The following ZFHX3 variants were observed in gnomAD, a reference collection of about 807,000 sequenced individuals.
ZFHX3 encodes the protein zinc finger homeobox protein 3.
A neutral mutation model predicts 279.1 loss-of-function variants in ZFHX3; 42 were observed. That is an observed-to-expected ratio of 0.15 (90% CI 0.12 to 0.19). ZFHX3 has a LOEUF of 0.19. Among genes scored for constraint, ZFHX3 ranks in the 10% least tolerant of loss-of-function variants. The pLI is 1.00. For synonymous variants in ZFHX3, 2,293 were observed against 1,957.8 expected (o/e 1.17, Z -4.52); for missense variants, 4,981 against 4,754.0 (o/e 1.05, Z -1.40).
At chr16:73,263,862 C>T (rs2013892305) in intron 4 of ZFHX3, among the ~76,000 whole-genome samples, 1 of 152,130 alleles carries the variant, frequency 6.6e-6, no homozygotes, top group African/African-American at 2.4e-5. Context: ...GAAAGAACAT[C>T]CTATAAAAAT....
chr16:73,759,155 T>G (rs2053839108), intron 1 of ZFHX3, among the ~76,000 whole-genome samples: 1 of 152,236 alleles, frequency 6.6e-6, no homozygotes, highest in Non-Finnish European at 1.5e-5. Flanking sequence ...AGTCTATTTC[T>G]CTCTTACATG....
At chr16:73,485,961 C>G (rs2143637151) in intron 2 of ZFHX3, among the ~76,000 whole-genome samples, 1 of 152,328 alleles carries the variant, frequency 6.6e-6, no homozygotes, top group South Asian at 2.1e-4. Context: ...AACAGGAGAG[C>G]AGGGACCACC....
chr16:73,806,575 T>C (rs1221522618), intron 1 of ZFHX3, among the ~76,000 whole-genome samples: 1 of 152,074 alleles, frequency 6.6e-6, no homozygotes, highest in African/African-American at 2.4e-5. Context: ...TGGGGATTAG[T>C]TGTCAGCCAA....
chr16:72,957,435 G>A lies in ZFHX3; in HGVS notation c.2711C>T (p.Pro904Leu), dbSNP rs371399183. The A allele has an allele frequency of 6.2e-7, 1 of 1,608,950 alleles. No homozygotes were observed. The highest frequency in any genetic ancestry group is 8.5e-7 in the Non-Finnish European group (1 of 1,177,140). ...DPAGPMAAMT[P>L]ALVGGEIPLD... is the part of the protein sequence containing the mutation. Reference sequence around the variant, plus strand: ...CACGTAGTCATCCTCACCTAGAGCAGGCGTCATGGCGGCCATGGGCCCGGC... The same window carrying A: ...CACGTAGTCATCCTCACCTAGAGCAAGCGTCATGGCGGCCATGGGCCCGGC... Residue 904 changes from proline (P) to leucine (L), a missense_variant, in exon 2 of 10, where the codon CCT (proline) becomes CTT (leucine). Pro to Leu is a moderately conservative substitution (Grantham distance 98). Around this residue, in one of 7 missense-constraint regions of ZFHX3, gnomAD observed 1,751 missense variants for 1,770.0 expected, o/e 0.99. Transcript: ENST00000268489.
chr16:73,068,974 C>T (rs1965790578), intron 8 of ZFHX3, among the ~76,000 whole-genome samples: 1 of 152,212 alleles, frequency 6.6e-6, no homozygotes. Flanking sequence ...ACTGACCACC[C>T]CTTTGGGCGC....
At chr16:73,028,868 GCAA>G (rs1303138714) in intron 1 of ZFHX3, among the ~76,000 whole-genome samples, 3 of 152,176 alleles carry the variant, frequency 2.0e-5, no homozygotes, top group Non-Finnish European at 2.9e-5. Flanking sequence ...AACCTTTTCG[GCAA>G]CAACAACAGA....
In ZFHX3 at chr16:72,797,210, C is replaced by A; in HGVS notation, c.5472G>T (p.Leu1824=). The change falls in exon 9 of 10, where the codon CTG becomes CTT. Residue 1824 remains leucine (L), a synonymous_variant. Transcript: ENST00000268489. ...SLPVTSGALT[L]TGTGPGLLED... is the part of the protein sequence containing the mutation. ...CCAGCAGGCCTGGGCCTGTCCCAGT[C>A]AGTGTCAGTGCCCCACTGGTCACTG... The A allele has an allele frequency of 6.2e-7, 1 of 1,613,984 alleles. No individual in the cohort carries two copies. The highest frequency in any genetic ancestry group is 1.1e-5 in the South Asian group (1 of 91,044).
intron 1 of ZFHX3, among the ~76,000 whole-genome samples, chr16:73,857,662 T>C (rs991436635): frequency 3.3e-5 from 5 of 152,200 alleles, no homozygotes; most frequent in African/African-American, 7.2e-5. Context: ...GTGTAAGTCA[T>C]AACATGCTGC....
At chr16:73,287,779 A>G (rs1211181616) in intron 4 of ZFHX3, among the ~76,000 whole-genome samples, 531 of 37,506 alleles carry the variant, frequency 0.014, no homozygotes, top group Middle Eastern at 0.019. Flanking sequence ...TGTGTGGGTA[A>G]GTGTGTGGGT....
In ZFHX3 at chr16:72,784,744, G is replaced by C. The variant is rs914470548; in HGVS notation, c.*2420C>G. 1.3e-5 allele frequency: 2 copies of C among 152,270 alleles called. No individual in the cohort carries two copies. Among genetic ancestry groups the C allele is most frequent in the African/African-American group, 2.4e-5 (1 of 41,338 alleles). The allele number at this position is 152,270 out of a possible 1,614,324, so 9.4% of individuals were successfully genotyped here. On this transcript the variant is annotated 3_prime_UTR_variant, in exon 10 of 10. Transcript: ENST00000268489. The stretch of plus-strand genomic sequence containing the variant: ...ACACCTTATGCTACAACTGGATACT[G>C]GTATGAATAGTTAGATGGTATTCTT...
At chr16:72,842,402 A>C (rs567422473) in intron 4 of ZFHX3, among the ~76,000 whole-genome samples, 1 of 152,210 alleles carries the variant, frequency 6.6e-6, no homozygotes, top group African/African-American at 2.4e-5. Context: ...TCACAAAGTG[A>C]AATACAGAAA....
rs149620930 is a variant in ZFHX3, at chr16:73,057,193, T to C, written c.-24+1337A>G. ...ACAAGGGGGAAAAGTTAAGACTGGG[T>C]GCCTTTTGAAAGCGCTTGTAATCAA... On this transcript the variant is annotated intron_variant, in intron 1 of 8. Coordinates refer to the ZFHX3 transcript ENST00000397992. 2.5e-3 allele frequency among the ~76,000 whole-genome samples: 384 copies of C among 152,318 alleles called. 4 individuals carry two copies. The highest frequency in any genetic ancestry group is 8.9e-3 in the African/African-American group (369 of 41,566).
At chr16:73,269,758 T>C (rs1034137393) in intron 4 of ZFHX3, among the ~76,000 whole-genome samples, 2 of 151,992 alleles carry the variant, frequency 1.3e-5, no homozygotes, top group African/African-American at 4.8e-5. Context: ...TTTCTTTATT[T>C]TTTTTTTTGA....
intron 1 of ZFHX3, among the ~76,000 whole-genome samples, chr16:73,022,493 G>A (rs138322098): frequency 2.2e-3 from 339 of 152,288 alleles, no homozygotes; most frequent in Non-Finnish European, 3.7e-3. Flanking sequence ...GCTGTCCTGG[G>A]CATCGCAGGA....
At chr16:73,117,860 G>C (rs150113303) in intron 7 of ZFHX3, among the ~76,000 whole-genome samples, 35 of 152,324 alleles carry the variant, frequency 2.3e-4, no homozygotes, top group African/African-American at 7.9e-4. Context: ...ACACAGAAAA[G>C]ATGACTGTCT....
At chr16:72,883,519 TTGAA>T (rs1323878342) in intron 4 of ZFHX3, among the ~76,000 whole-genome samples, 2 of 152,216 alleles carry the variant, frequency 1.3e-5, no homozygotes, top group Admixed American at 6.5e-5. Context: ...AACTCCTTGC[TTGAA>T]TATTTTAAAA....
At chr16:72,845,175 A>T (rs1301153340) in intron 4 of ZFHX3, among the ~76,000 whole-genome samples, 6 of 152,054 alleles carry the variant, frequency 3.9e-5, no homozygotes, top group African/African-American at 1.4e-4. Context: ...GAGATGAGGC[A>T]CACTTCTTCC....
chr16:73,722,707 T>C (rs1404660150), intron 1 of ZFHX3, among the ~76,000 whole-genome samples: 1 of 152,112 alleles, frequency 6.6e-6, no homozygotes, highest in East Asian at 1.9e-4. Context: ...TGAAACTGCC[T>C]CCAATGATAT....
At chr16:73,823,896 AG>A (rs1368421701) in intron 1 of ZFHX3, among the ~76,000 whole-genome samples, 1 of 152,132 alleles carries the variant, frequency 6.6e-6, no homozygotes, top group Non-Finnish European at 1.5e-5. Context: ...AGGAGGGAAA[AG>A]GTGCATGATA....
Sources: allele counts gnomAD v4.1 joint callset (sites outside exome capture counted in the v4.1 genomes callset), GRCh38; gene constraint gnomAD v4.1.1; regional missense constraint gnomAD v4.1.1; transcripts MANE v1.5; gene names NCBI Gene and HGNC (gene_info 2026-07-23, HGNC 2026-07-21).